DIAPH2: variants seen among roughly 807,000 people sequenced by gnomAD.
DIAPH2 encodes diaphanous related formin 2.
DIAPH2 carries 35 observed loss-of-function variants against 92.7 expected under a neutral mutation model. The observed-to-expected ratio is 0.38, with a 90% confidence interval of 0.29 to 0.50. The LOEUF is 0.50. DIAPH2 is among the 20% of genes least tolerant of loss of function. The probability of loss-of-function intolerance (pLI) is 0.94; values close to 1 mark genes in which losing one functional copy is unlikely to be tolerated. For synonymous variants in DIAPH2, 301 were observed against 280.4 expected, an observed-to-expected ratio of 1.07 and a Z score of -0.73; for missense variants, 701 against 819.5, an observed-to-expected ratio of 0.86 and a Z score of 1.77.
At chrX:97,409,744 C>T (rs756097876) in intron 25 of DIAPH2, among the ~76,000 whole-genome samples, 1 of 112,502 alleles carries the variant, frequency 8.9e-6, no homozygotes, top group South Asian at 3.8e-4. Context: ...CAGCGGGCCC[C>T]ACGCTCACGG....
At chrX:97,003,217 T>C (rs1053749532) in intron 17 of DIAPH2, among the ~76,000 whole-genome samples, 11 of 111,896 alleles carry the variant, frequency 9.8e-5, no homozygotes, top group African/African-American at 3.6e-4. Context: ...GGACAGTTTG[T>C]TTTGTTCCAA....
chrX:97,053,766 C>T (rs953594252), intron 17 of DIAPH2, among the ~76,000 whole-genome samples: 2 of 111,484 alleles, frequency 1.8e-5, no homozygotes, highest in Non-Finnish European at 3.8e-5. Context: ...AGAAAAAAAT[C>T]AATACAGTCT....
chrX:96,932,923 C>T (rs1282168272), intron 10 of DIAPH2, among the ~76,000 whole-genome samples: 1 of 111,402 alleles, frequency 9.0e-6, no homozygotes, highest in African/African-American at 3.3e-5. Context: ...CCCTATTTTC[C>T]CCCACACCCT....
intron 26 of DIAPH2, among the ~76,000 whole-genome samples, chrX:97,476,017 T>C (rs1361001759): frequency 9.1e-6 from 1 of 110,366 alleles, no homozygotes; most frequent in Admixed American, 9.6e-5. Context: ...TAATTGGAGC[T>C]TTGTGTTGTT....
chrX:96,840,713 A>T (rs2064930454), intron 4 of DIAPH2, among the ~76,000 whole-genome samples: 1 of 110,227 alleles, frequency 9.1e-6, no homozygotes, highest in Non-Finnish European at 1.9e-5. Flanking sequence ...GGTTCACGCC[A>T]TTCTCCTGCC....
intron 21 of DIAPH2, among the ~76,000 whole-genome samples, chrX:97,127,873 T>TA (rs750002614): frequency 1.8e-5 from 2 of 110,602 alleles, no homozygotes; most frequent in South Asian, 3.9e-4. Context: ...CTGAGTGGGG[T>TA]GGTGCGTGCT....
At chrX:97,493,566 A>T (rs748608751) in intron 26 of DIAPH2, among the ~76,000 whole-genome samples, 6 of 109,424 alleles carry the variant, frequency 5.5e-5, no homozygotes, top group East Asian at 5.8e-4. Flanking sequence ...CGGCCTGGTT[A>T]TTTTTTTTTA....
chrX:96,792,645 G>A (rs756715616), intron 4 of DIAPH2, among the ~76,000 whole-genome samples: 1 of 111,796 alleles, frequency 8.9e-6, no homozygotes, highest in Admixed American at 9.5e-5. Context: ...CTTATAAATT[G>A]GGACTGCTTG....
At chrX:96,703,953 A>T (rs2063869404) in intron 1 of DIAPH2, among the ~76,000 whole-genome samples, 1 of 111,348 alleles carries the variant, frequency 9.0e-6, no homozygotes, top group Non-Finnish European at 1.9e-5. Flanking sequence ...GTTTTGAGAC[A>T]GGGTCTTGCT....
At chrX:97,219,423 G>T (rs1212700481) in intron 22 of DIAPH2, among the ~76,000 whole-genome samples, 1 of 111,616 alleles carries the variant, frequency 9.0e-6, no homozygotes, top group Non-Finnish European at 1.9e-5. Context: ...GATTATTTTT[G>T]TTGCTGTTTC....
At chrX:97,057,782 T>C (rs917464056) in intron 17 of DIAPH2, among the ~76,000 whole-genome samples, 3 of 111,984 alleles carry the variant, frequency 2.7e-5, no homozygotes, top group African/African-American at 9.7e-5. Context: ...GAACATGCCA[T>C]TTTATTCATT....
At chrX:96,837,398 T>C (rs2064902956) in intron 4 of DIAPH2, among the ~76,000 whole-genome samples, 1 of 68,478 alleles carries the variant, frequency 1.5e-5, no homozygotes, top group Non-Finnish European at 2.8e-5. Flanking sequence ...CCTCCCTTCC[T>C]CCCTCCCTCT....
chrX:96,974,840 A>C lies in DIAPH2; in HGVS notation c.2050+9633A>C, dbSNP rs191953743. Among the ~76,000 whole-genome samples the C allele has an allele frequency of 3.3e-3, 373 of 111,560 alleles. 1 individual carries two copies. Among genetic ancestry groups the C allele is most frequent in the Non-Finnish European group, 5.1e-3 (273 of 53,086 alleles). The stretch of plus-strand genomic sequence containing the variant: ...ATTTAAAGTAATGATGGTTGATATT[A>C]ACTAAATTTGAAATAATAATAAAAT... On this transcript the variant is annotated intron_variant, in intron 17 of 26. Coordinates refer to ENST00000324765, the MANE Select transcript of DIAPH2 (RefSeq NM_006729.5).
intron 4 of DIAPH2, among the ~76,000 whole-genome samples, chrX:96,808,926 T>TG (rs2064651333): frequency 1.8e-5 from 2 of 111,958 alleles, no homozygotes; most frequent in Admixed American, 1.9e-4. Context: ...TATACTGCCT[T>TG]GAATAGTACC....
chrX:97,571,601 C>A (rs2071370426), intron 26 of DIAPH2, among the ~76,000 whole-genome samples: 1 of 110,909 alleles, frequency 9.0e-6, no homozygotes, highest in African/African-American at 3.3e-5. Context: ...GAAATTTTAC[C>A]TAGCTGCTGT....
chrX:96,730,698 A>G (rs2064048725), intron 1 of DIAPH2, among the ~76,000 whole-genome samples: 1 of 111,794 alleles, frequency 8.9e-6, no homozygotes, highest in Non-Finnish European at 1.9e-5. Flanking sequence ...CTGATCTTCA[A>G]CTAGAGTGTA....
intron 10 of DIAPH2, among the ~76,000 whole-genome samples, chrX:96,933,473 G>A (rs1341661615): frequency 2.8e-5 from 3 of 106,148 alleles, no homozygotes; most frequent in South Asian, 8.5e-4. Context: ...GGGAATACAG[G>A]TGTGCCACCA....
At chrX:97,282,333 G>T (rs1322652334) in intron 23 of DIAPH2, among the ~76,000 whole-genome samples, 3 of 111,540 alleles carry the variant, frequency 2.7e-5, no homozygotes, top group Non-Finnish European at 5.6e-5. Flanking sequence ...TCGCACTGTC[G>T]CTTGGGCTGG....
At chrX:97,215,100 G>C (rs935212082) in intron 22 of DIAPH2, among the ~76,000 whole-genome samples, 1 of 111,061 alleles carries the variant, frequency 9.0e-6, no homozygotes, top group Non-Finnish European at 1.9e-5. Flanking sequence ...TAGATGAATA[G>C]GTTTAGGTTT....
Sources: gnomAD v4.1 joint callset for allele counts (sites outside exome capture counted in the v4.1 genomes callset) on GRCh38, gnomAD v4.1.1 for gene constraint, MANE v1.5 for transcripts, NCBI Gene and HGNC (gene_info 2026-07-23, HGNC 2026-07-21) for gene names.